Variants in DLC1 observed in about 807,000 individuals in gnomAD.
The protein encoded by DLC1 is rho GTPase-activating protein 7.
A neutral mutation model predicts 140.3 loss-of-function variants in DLC1; 54 were observed. The ratio of observed to expected loss-of-function variants is 0.38; its 90% CI spans 0.31 to 0.48. The LOEUF is 0.48. Ranked by LOEUF, DLC1 falls within the 20% of genes least tolerant of loss-of-function variation. The pLI is 0.96. For synonymous variants in DLC1, 986 were observed against 728.1 expected (o/e 1.35, Z -5.70); for missense variants, 2,536 against 1,907.0 (o/e 1.33, Z -6.14).
chr8:13,093,910 G>A (rs1389562580), intron 12 of DLC1, among the ~76,000 whole-genome samples: 1 of 152,146 alleles, frequency 6.6e-6, no homozygotes, highest in African/African-American at 2.4e-5. Context: ...CATTAATTTC[G>A]ACAACTGTTT....
intron 5 of DLC1, among the ~76,000 whole-genome samples, chr8:13,172,849 G>T (rs1013385606): frequency 6.6e-6 from 1 of 152,150 alleles, no homozygotes; most frequent in African/African-American, 2.4e-5. Context: ...TCAAATCCTA[G>T]CTTACTCTCA....
At chr8:13,305,239 C>T (rs202220331) in intron 5 of DLC1, 30 bp downstream of exon 5, 50 of 1,603,850 alleles carry the variant, frequency 3.1e-5, no homozygotes, top group African/African-American at 2.6e-4. Context: ...AATAGATTGG[C>T]GAGAAAACAG....
At chr8:13,203,144 T>G (rs1252617587) in intron 5 of DLC1, among the ~76,000 whole-genome samples, 1 of 152,216 alleles carries the variant, frequency 6.6e-6, no homozygotes, top group Non-Finnish European at 1.5e-5. Context: ...AAATTTAAGA[T>G]AGTGTTGACT....
intron 5 of DLC1, among the ~76,000 whole-genome samples, chr8:13,215,199 C>G (rs1828137500): frequency 1.3e-5 from 2 of 152,034 alleles, no homozygotes; most frequent in African/African-American, 4.8e-5. Flanking sequence ...AGATCATTTC[C>G]CAAACGTCTT....
chr8:13,087,970 G>T (rs190289809), intron 16 of DLC1, among the ~76,000 whole-genome samples: 132 of 152,352 alleles, frequency 8.7e-4, no homozygotes, highest in African/African-American at 3.2e-3. Flanking sequence ...CTCTTTCTGA[G>T]CTCAGTTACC....
At chr8:13,185,019 T>G (rs1484974006) in intron 5 of DLC1, among the ~76,000 whole-genome samples, 1 of 152,182 alleles carries the variant, frequency 6.6e-6, no homozygotes, top group Non-Finnish European at 1.5e-5. Flanking sequence ...TAGTTAGCTC[T>G]TCTTGTTGAA....
At chr8:13,260,455 T>C (rs1271053922) in intron 5 of DLC1, among the ~76,000 whole-genome samples, 4 of 152,188 alleles carry the variant, frequency 2.6e-5, no homozygotes, top group Non-Finnish European at 4.4e-5. Context: ...AGGCCACCTG[T>C]AGAAGATGAA....
At chr8:13,576,590 G>T (rs1426402999) in intron 1 of DLC1, among the ~76,000 whole-genome samples, 1 of 152,140 alleles carries the variant, frequency 6.6e-6, no homozygotes, top group Non-Finnish European at 1.5e-5. Context: ...TACAGATAGA[G>T]AAGTCTTCAG....
chr8:13,482,568 T>A (rs1323695726), intron 2 of DLC1, among the ~76,000 whole-genome samples: 2 of 152,152 alleles, frequency 1.3e-5, no homozygotes, highest in South Asian at 2.1e-4. Context: ...TCAAGCAAAA[T>A]AAGGTACATT....
At chr8:13,388,263 C>A (rs1836608462) in intron 4 of DLC1, among the ~76,000 whole-genome samples, 1 of 151,788 alleles carries the variant, frequency 6.6e-6, no homozygotes, top group Non-Finnish European at 1.5e-5. Flanking sequence ...GTAGTGCTAC[C>A]ATTACTTTTT....
intron 2 of DLC1, among the ~76,000 whole-genome samples, chr8:13,425,065 C>T (rs1042909189): frequency 2.0e-5 from 3 of 151,450 alleles, no homozygotes; most frequent in African/African-American, 7.3e-5. Flanking sequence ...GTTTTGAAAC[C>T]CTGCTAAGTA....
At chr8:13,453,424 G>GTGTATATATATATATATA (rs1563359808) in intron 2 of DLC1, among the ~76,000 whole-genome samples, 13 of 56,538 alleles carry the variant, frequency 2.3e-4, no homozygotes, top group Admixed American at 9.8e-4. Context: ...ATATATATAT[G>GTGTATATATATATATATA]TGTATATATA....
At chr8:13,559,290 A>G in intron 1 of DLC1, 1 of 152,260 alleles carries the variant, frequency 6.6e-6, no homozygotes, top group Admixed American at 6.5e-5. Flanking sequence ...GCTCTGTTTC[A>G]GCCTCCTGGG....
intron 2 of DLC1, among the ~76,000 whole-genome samples, chr8:13,439,642 G>C (rs190443841): frequency 6.6e-6 from 1 of 151,938 alleles, no homozygotes; most frequent in South Asian, 2.1e-4. Context: ...ATAAAATCTA[G>C]ACCAGTTATT....
chr8:13,409,672 C>A (rs1012636859), intron 2 of DLC1, among the ~76,000 whole-genome samples: 1 of 152,134 alleles, frequency 6.6e-6, no homozygotes, highest in East Asian at 1.9e-4. Context: ...TCAGACGAAA[C>A]CCTTGGCTTC....
At chr8:13,086,541 A>G in intron 16 of DLC1, 78 bp from the exon 17 acceptor site, 2 of 1,537,204 alleles carry the variant, frequency 1.3e-6, no homozygotes, top group African/African-American at 1.4e-5. Context: ...ACTCTTCACT[A>G]TTTGCAGTGT....
chr8:13,150,134 C>T (rs1056627955), intron 5 of DLC1, among the ~76,000 whole-genome samples: 2 of 147,838 alleles, frequency 1.4e-5, no homozygotes, highest in African/African-American at 2.5e-5. Context: ...TTTCTCCAGC[C>T]CTCTTAGACA....
chr8:13,128,727 C>G (rs557538431), intron 5 of DLC1, among the ~76,000 whole-genome samples: 1 of 151,788 alleles, frequency 6.6e-6, no homozygotes, highest in Non-Finnish European at 1.5e-5. Flanking sequence ...CCCAGCTACT[C>G]GGGAGGCTGG....
In DLC1 at chr8:13,213,049, T is replaced by G. The variant is rs561499377; in HGVS notation, c.1348+92220A>C. ...AAAGAGATGTTGAATGTAGTGGGAG[T>G]TGAAGACAGATATTAATGGACTGCT... On this transcript the variant is annotated intron_variant, in intron 5 of 17. Coordinates refer to ENST00000276297, the MANE Select transcript of DLC1 (RefSeq NM_182643.3). Among the ~76,000 whole-genome samples the G allele has an allele frequency of 2.0e-5, 3 of 152,268 alleles. 1 individual carries two copies. In the South Asian group the frequency reaches 6.2e-4, roughly 32 times the overall value.
Sources: allele counts gnomAD v4.1 joint callset (sites outside exome capture counted in the v4.1 genomes callset), GRCh38; gene constraint gnomAD v4.1.1; transcripts MANE v1.5; gene names NCBI Gene and HGNC (gene_info 2026-07-23, HGNC 2026-07-21).